Variants in VSTM2A observed in about 807,000 individuals in gnomAD.
VSTM2A encodes the protein V-set and transmembrane domain containing 2A.
In VSTM2A, 13 loss-of-function variants were observed where a neutral mutation model predicts 27.3. The ratio of observed to expected loss-of-function variants is 0.48; its 90% CI spans 0.31 to 0.76. VSTM2A has a LOEUF of 0.76. Among genes scored for constraint, VSTM2A ranks in the 30% least tolerant of loss-of-function variants. VSTM2A has a pLI of 0.05. For synonymous variants in VSTM2A, 142 were observed against 125.7 expected (o/e 1.13, Z -0.87); for missense variants, 280 against 310.0 (o/e 0.90, Z 0.73).
intron 4 of VSTM2A, chr7:54,557,788 A>G (rs1788419323): frequency 1.3e-5 from 2 of 152,220 alleles, no homozygotes; most frequent in Admixed American, 1.3e-4. Flanking sequence ...GCATATGCTT[A>G]TATACAATTA....
Position 54,542,635 on chromosome 7 carries a change from G to A in VSTM2A, c.-96G>A. The A allele has an allele frequency of 6.4e-6, 7 of 1,099,310 alleles. No homozygotes were observed. Among genetic ancestry groups the A allele is most frequent in the Non-Finnish European group, 9.5e-6 (7 of 734,882 alleles). 68.1% of individuals were successfully genotyped at this position (1,099,310 alleles called of 1,614,324 possible). ...CAGGATGTTTGCAGTGTCGCGCCCA[G>A]GGCTCTGAGACTGAGCCTGCCATCC... On this transcript the variant is annotated 5_prime_UTR_variant, in exon 1 of 5. Transcript: ENST00000402613.
Position 54,547,029 on chromosome 7 carries a change from C to G in VSTM2A, c.297+32C>G, listed in dbSNP as rs904704656. ...GCGGGGCGCGCCAAGGGCCGCGGGC[C>G]CAGGCTCGGGACGCACAGCCCTTCC... On this transcript the variant is annotated intron_variant, in intron 3 of 4. Coordinates refer to ENST00000402613, the MANE Select transcript of VSTM2A (RefSeq NM_001301009.2). 3.8e-6 allele frequency: 6 copies of G among 1,561,940 alleles called. No homozygotes were observed. In the African/African-American group the frequency reaches 8.4e-5, roughly 22 times the overall value.
intron 3 of VSTM2A, chr7:54,547,227 A>C (rs1294899068): frequency 2.0e-5 from 9 of 459,842 alleles, no homozygotes; most frequent in Non-Finnish European, 3.4e-5. Flanking sequence ...TGCTATCCAG[A>C]GAGGTTGTGT....
rs746251784 is a variant in VSTM2A, at chr7:54,544,589, G to A, written c.80-33G>A. On this transcript the variant is annotated intron_variant, in intron 1 of 4. Coordinates refer to ENST00000402613, the MANE Select transcript of VSTM2A (RefSeq NM_001301009.2). ...AAGAGACTCAGGCAAGAGGGGTGTGGATATTCCAACAGGATGCCTTTCTGT... is the reference window on the plus strand; with the variant it reads ...AAGAGACTCAGGCAAGAGGGGTGTGAATATTCCAACAGGATGCCTTTCTGT... 1.2e-5 allele frequency: 19 copies of A among 1,612,488 alleles called. No homozygotes were observed. In the South Asian group the frequency reaches 1.9e-4, roughly 16 times the overall value.
In VSTM2A at chr7:54,546,961, C is replaced by G. The variant is rs748317701; in HGVS notation, c.261C>G (p.Pro87=). 1.3e-6 allele frequency: 2 copies of G among 1,596,456 alleles called. No individual in the cohort carries two copies. The highest frequency in any genetic ancestry group is 1.1e-5 in the South Asian group (1 of 89,844). Reference sequence around the variant, plus strand: ...CTTGCCCGCAGGTGGAGCTCTTGCCCGACAGAGACCCGGACAGCGACGGGA... The same window carrying G: ...CTTGCCCGCAGGTGGAGCTCTTGCCGGACAGAGACCCGGACAGCGACGGGA... ...EGAGAQVELL[P]DRDPDSDGTK... is the part of the protein sequence containing the mutation. Residue 87 remains proline, a synonymous_variant, in exon 3 of 5, where the codon CCC becomes CCG. Coordinates refer to ENST00000402613, the MANE Select transcript of VSTM2A (RefSeq NM_001301009.2).
At position 54,542,548 on chromosome 7, in the gene VSTM2A, G is replaced by A. The variant is rs189813987; in HGVS notation, c.-183G>A. On this transcript the variant is annotated 5_prime_UTR_variant, in exon 1 of 5. Coordinates refer to ENST00000402613, the MANE Select transcript of VSTM2A (RefSeq NM_001301009.2). ...AAGCCTCGCTGAATCCCAGCCAGCT[G>A]GTTCTAACCTTCCAGAATCGCAATC... The A allele has an allele frequency of 5.0e-6, 3 of 600,926 alleles. No individual in the cohort carries two copies. The highest frequency in any genetic ancestry group is 3.7e-5 in the African/African-American group (2 of 53,370). The allele number at this position is 600,926 out of a possible 1,614,324, so 37.2% of individuals were successfully genotyped here. A position where few individuals can be genotyped will look rare whatever the true frequency, so the allele number is the denominator to read the frequency against.
chr7:54,547,204 C>T (rs1788029583), intron 3 of VSTM2A: 4 of 513,318 alleles, frequency 7.8e-6, no homozygotes, highest in South Asian at 3.5e-5. Flanking sequence ...TCTAAACATT[C>T]TAGAGAATCG....
chr7:54,554,952 G>C (rs536760995), intron 4 of VSTM2A, among the ~76,000 whole-genome samples: 85 of 152,328 alleles, frequency 5.6e-4, no homozygotes, highest in African/African-American at 2.0e-3. Flanking sequence ...ACCCAGATCA[G>C]ACATCTAAAA....
At chr7:54,569,099 C>A in intron 4 of VSTM2A, 32 bp from the exon 5 acceptor site, 1 of 1,597,688 alleles carries the variant, frequency 6.3e-7, no homozygotes. Flanking sequence ...AAAGTGCTGA[C>A]TTTTTTCCAA....
Position 54,568,890 on chromosome 7 carries a change from G to A in VSTM2A, c.635-241G>A, listed in dbSNP as rs1010001806. ...TTGCAGTGCATGCCAAGACATTCAT[G>A]AGCACCAGAGCCAAGCTGGCGAGCT... On this transcript the variant is annotated intron_variant, in intron 4 of 4. Transcript: ENST00000402613. 7 of 1,084,550 alleles carry A rather than the reference G, an allele frequency of 6.5e-6. No homozygotes were observed. In the African/African-American group the frequency reaches 9.5e-5, roughly 15 times the overall value. 67.2% of individuals were successfully genotyped at this position (1,084,550 alleles called of 1,614,324 possible). A position where few individuals can be genotyped will look rare whatever the true frequency, so the allele number is the denominator to read the frequency against.
chr7:54,547,186 C>A (rs1367966910), intron 3 of VSTM2A, 189 bp downstream of exon 3: 5 of 553,938 alleles, frequency 9.0e-6, no homozygotes, highest in Non-Finnish European at 1.5e-5. Flanking sequence ...ATTTTAGTCA[C>A]GTAAATGTCT....
intron 4 of VSTM2A, among the ~76,000 whole-genome samples, chr7:54,554,547 C>T (rs773576255): frequency 7.9e-5 from 12 of 152,200 alleles, no homozygotes; most frequent in Non-Finnish European, 1.8e-4. Context: ...GCATTGAAGC[C>T]TATTTTCCTT....
intron 2 of VSTM2A, 96 bp downstream of exon 2, chr7:54,544,884 C>A (rs1787895894): frequency 2.2e-6 from 3 of 1,380,908 alleles, no homozygotes; most frequent in Admixed American, 2.8e-5. Context: ...CCTGGACACC[C>A]CTGGGGACCT....
intron 1 of VSTM2A, among the ~76,000 whole-genome samples, chr7:54,544,336 G>C (rs1475940110): frequency 1.3e-5 from 2 of 152,202 alleles, no homozygotes; most frequent in Non-Finnish European, 2.9e-5. Flanking sequence ...TCTGACAAAA[G>C]GTATTTGGAT....
chr7:54,565,202 A>C (rs1157414101), intron 4 of VSTM2A, among the ~76,000 whole-genome samples: 2 of 152,216 alleles, frequency 1.3e-5, no homozygotes, highest in South Asian at 2.1e-4. Flanking sequence ...CTGTTTCTTC[A>C]TATCTTTGTC....
chr7:54,563,190 A>T (rs1438645308), intron 4 of VSTM2A, among the ~76,000 whole-genome samples: 1 of 152,202 alleles, frequency 6.6e-6, no homozygotes, highest in East Asian at 1.9e-4. Flanking sequence ...GTTTTCAGAT[A>T]TGAGGAATTG....
At chr7:54,563,574 G>A (rs961869094) in intron 4 of VSTM2A, among the ~76,000 whole-genome samples, 19 of 152,176 alleles carry the variant, frequency 1.2e-4, no homozygotes, top group African/African-American at 4.3e-4. Context: ...GCTGCAGGAG[G>A]TAGAAAGGTC....
intron 4 of VSTM2A, among the ~76,000 whole-genome samples, chr7:54,560,439 T>G (rs563901410): frequency 3.1e-4 from 47 of 152,194 alleles, no homozygotes; most frequent in Non-Finnish European, 5.6e-4. Context: ...TACAAGCAAA[T>G]AAAATATCAT....
At chr7:54,553,887 G>A in intron 4 of VSTM2A, 3 of 1,551,216 alleles carry the variant, frequency 1.9e-6, no homozygotes, top group Non-Finnish European at 1.7e-6. Flanking sequence ...CCTTCCAGAA[G>A]TCAAACATCT....
Sources: allele counts gnomAD v4.1 joint callset (sites outside exome capture counted in the v4.1 genomes callset), GRCh38; gene constraint gnomAD v4.1.1; transcripts MANE v1.5; gene names NCBI Gene and HGNC (gene_info 2026-07-23, HGNC 2026-07-21).